Variants in SLC22A16 observed in about 807,000 individuals in gnomAD.
SLC22A16 encodes the protein solute carrier family 22 member 16.
Under a neutral mutation model 52.9 loss-of-function variants are expected in SLC22A16, and 53 were observed. The ratio of observed to expected loss-of-function variants is 1.00; its 90% CI spans 0.80 to 1.26. The LOEUF (loss-of-function observed/expected upper bound fraction) is 1.26, where lower values mean the gene tolerates loss of function less well. Among genes scored for constraint, SLC22A16 ranks in the 50% most tolerant of loss-of-function variants. The pLI is 0.00. For synonymous variants in SLC22A16, 291 were observed against 268.8 expected (o/e 1.08, Z -0.81); for missense variants, 726 against 704.0 (o/e 1.03, Z -0.35).
chr6:110,438,909 T>A (rs1352561786), intron 4 of SLC22A16, 62 bp from the exon 5 acceptor site: 76 of 1,595,360 alleles, frequency 4.8e-5, no homozygotes, highest in Non-Finnish European at 6.2e-5. Context: ...GGGACCCCCG[T>A]CTTCTAACCC....
chr6:110,459,881 C>T (rs1006482487), intron 1 of SLC22A16, among the ~76,000 whole-genome samples: 44 of 152,070 alleles, frequency 2.9e-4, no homozygotes, highest in African/African-American at 6.8e-4. Context: ...AAAAAATCAC[C>T]GCATAAGGAC....
chr6:110,456,666 T>C lies in SLC22A16; in HGVS notation c.405A>G (p.Thr135=), dbSNP rs774020002. The part of the protein sequence containing the change: ...CVDGYIYDQN[T]WKSTAVTQWN... ...ACTGGGTCACCGCAGTGCTTTTCCA[T>C]GTGTTCTGGTCATATATGTAGCCAT... Residue 135 remains threonine (T), a synonymous_variant, in exon 2 of 8, where the codon ACA becomes ACG. Transcript: ENST00000368919. 2 of 1,614,208 alleles carry C rather than the reference T, an allele frequency of 1.2e-6. No individual in the cohort carries two copies. The highest frequency in any genetic ancestry group is 2.2e-5 in the South Asian group (2 of 91,080).
At chr6:110,439,475 T>C (rs1269423763) in intron 4 of SLC22A16, among the ~76,000 whole-genome samples, 1 of 152,128 alleles carries the variant, frequency 6.6e-6, no homozygotes, top group Non-Finnish European at 1.5e-5. Context: ...GCTCTTTCTA[T>C]AAACTTGTTA....
At chr6:110,431,096 A>T in intron 7 of SLC22A16, 75 bp downstream of exon 7, 1 of 1,191,022 alleles carries the variant, frequency 8.4e-7, no homozygotes, top group South Asian at 1.2e-5. Flanking sequence ...GTAAATAACA[A>T]TAGAGAAGTT....
At chr6:110,429,130 T>C (rs114407782) in intron 7 of SLC22A16, among the ~76,000 whole-genome samples, 3,039 of 152,312 alleles carry the variant, frequency 0.02, 103 homozygotes, top group African/African-American at 0.068. Context: ...CTTTCTCATT[T>C]TATCTTTTTT....
chr6:110,425,102 A>T lies in SLC22A16; in HGVS notation c.1522-17T>A, dbSNP rs1314407740. Reference sequence around the variant, plus strand: ...AACAAACAACTAGAAGGAATTAAAAATAATGATAAGTGACACATCAAGAAA... The same window carrying T: ...AACAAACAACTAGAAGGAATTAAAATTAATGATAAGTGACACATCAAGAAA... On this transcript the variant is annotated splice_polypyrimidine_tract_variant and intron_variant, in intron 7 of 7. Coordinates refer to ENST00000368919, the MANE Select transcript of SLC22A16 (RefSeq NM_033125.4). 5.0e-6 allele frequency: 8 copies of T among 1,613,362 alleles called. No homozygotes were observed. In the African/African-American group the frequency reaches 8.0e-5, roughly 16 times the overall value.
chr6:110,430,723 C>A (rs1774462273), intron 7 of SLC22A16, among the ~76,000 whole-genome samples: 1 of 152,214 alleles, frequency 6.6e-6, no homozygotes, highest in East Asian at 1.9e-4. Flanking sequence ...AACTGAGAAC[C>A]ATGGGTTCCT....
chr6:110,427,126 T>C (rs2114872601), intron 7 of SLC22A16, among the ~76,000 whole-genome samples: 1 of 151,256 alleles, frequency 6.6e-6, no homozygotes, highest in South Asian at 2.1e-4. Flanking sequence ...CACATGCCTG[T>C]GGTCCCAGCT....
At chr6:110,450,611 CAAAAA>C (rs35567505) in intron 2 of SLC22A16, among the ~76,000 whole-genome samples, 2 of 48,734 alleles carry the variant, frequency 4.1e-5, no homozygotes, top group South Asian at 1.1e-3. Context: ...GACATCTTCT[CAAAAA>C]AAAAAAAAAA....
At chr6:110,463,006 A>G (rs1775939847) in intron 1 of SLC22A16, among the ~76,000 whole-genome samples, 1 of 152,026 alleles carries the variant, frequency 6.6e-6, no homozygotes, top group East Asian at 1.9e-4. Context: ...CCTCCCAAGA[A>G]TTTTATATCC....
At chr6:110,425,307 A>T in intron 7 of SLC22A16, 1 of 1,481,936 alleles carries the variant, frequency 6.7e-7, no homozygotes, top group Middle Eastern at 1.8e-4. Context: ...TCATTCCTTC[A>T]TGACCCACCA....
At chr6:110,448,840 C>A (rs1775271078) in intron 2 of SLC22A16, among the ~76,000 whole-genome samples, 1 of 152,232 alleles carries the variant, frequency 6.6e-6, no homozygotes, top group Admixed American at 6.5e-5. Flanking sequence ...TCTGAAGACA[C>A]ATGCCCCTTT....
intron 5 of SLC22A16, 108 bp downstream of exon 5, chr6:110,438,612 C>G: frequency 8.3e-7 from 1 of 1,198,840 alleles, no homozygotes; most frequent in South Asian, 2.0e-5. Context: ...ATATACTCTG[C>G]CCAAATCATA....
At chr6:110,455,210 A>G (rs1775601737) in intron 2 of SLC22A16, among the ~76,000 whole-genome samples, 1 of 151,190 alleles carries the variant, frequency 6.6e-6, no homozygotes, top group Admixed American at 6.7e-5. Context: ...CATTATTTAT[A>G]TCCCGTTTTT....
intron 6 of SLC22A16, among the ~76,000 whole-genome samples, chr6:110,433,513 C>A (rs1175539452): frequency 1.3e-5 from 2 of 152,168 alleles, no homozygotes; most frequent in Non-Finnish European, 2.9e-5. Context: ...AAGGAGGAGG[C>A]ATCTCTGGGC....
intron 7 of SLC22A16, among the ~76,000 whole-genome samples, chr6:110,426,062 C>T (rs147467779): frequency 5.4e-4 from 83 of 152,298 alleles, no homozygotes; most frequent in African/African-American, 1.9e-3. Context: ...CCATAACAGA[C>T]GAGACCTGGG....
In SLC22A16 at chr6:110,442,577, A is replaced by G. The variant is rs1405971018; in HGVS notation, c.850T>C (p.Cys284Arg). ...GGTGTCTCTGGGAGCACCCAACAGC[A>G]CAGGATAAAGGGGACAGTCACTGTG... is the stretch of plus-strand genomic sequence containing the variant. ...LSTVTVPFIL[C>R]CWVLPETPFW... Residue 284 changes from cysteine to arginine, a missense_variant, in exon 4 of 8, where the codon TGC (cysteine) becomes CGC (arginine). Transcript: ENST00000368919. The G allele has an allele frequency of 1.9e-6, 3 of 1,614,218 alleles. No homozygotes were observed. Among genetic ancestry groups the G allele is most frequent in the Non-Finnish European group, 1.7e-6 (2 of 1,180,038 alleles).
chr6:110,465,903 T>C (rs1776043227), intron 1 of SLC22A16, among the ~76,000 whole-genome samples: 1 of 152,078 alleles, frequency 6.6e-6, no homozygotes, highest in South Asian at 2.1e-4. Flanking sequence ...AAGGCTATAG[T>C]AACCAAACCA....
chr6:110,424,980 CCA>C lies in SLC22A16; in HGVS notation c.1625_1626del (p.Leu542ArgfsTer5). ...LATTWEEAAK[L>X]ESENESKSSK... ...CTTGACTTGCTTTCATTCTCTGACT[CCA>C]GTTTTGCAGCCTCCTCCCAAGTAGT... On this transcript the variant is annotated frameshift_variant, in exon 8 of 8. Transcript: ENST00000368919. LOFTEE classifies it low-confidence loss of function (END_TRUNC). The C allele has an allele frequency of 2.5e-6, 4 of 1,614,166 alleles. No homozygotes were observed. Among genetic ancestry groups the C allele is most frequent in the South Asian group, 2.2e-5 (2 of 91,084 alleles).
Sources: allele counts gnomAD v4.1 joint callset (sites outside exome capture counted in the v4.1 genomes callset), GRCh38; gene constraint gnomAD v4.1.1; transcripts MANE v1.5; gene names NCBI Gene and HGNC (gene_info 2026-07-23, HGNC 2026-07-21).